FAM135B: variants seen among roughly 807,000 people sequenced by gnomAD.
FAM135B encodes the protein family with sequence similarity 135 member B, also known as protein FAM135B.
In FAM135B, 43 loss-of-function variants were observed where a neutral mutation model predicts 127.7. The observed-to-expected ratio is 0.34, with a 90% CI of 0.26 to 0.43. FAM135B has a LOEUF of 0.43. FAM135B is among the 20% of genes least tolerant of loss of function. The probability of loss-of-function intolerance (pLI) is 1.00; values close to 1 mark genes in which losing one functional copy is unlikely to be tolerated. For missense variants in FAM135B, 1,558 were observed against 1,725.6 expected, an observed-to-expected ratio of 0.90 and a Z score of 1.72; for synonymous variants, 670 against 665.1, an observed-to-expected ratio of 1.01 and a Z score of -0.11.
chr8:138,450,555 T>C (rs1836429968), intron 1 of FAM135B: 1 of 152,228 alleles, frequency 6.6e-6, no homozygotes, highest in Non-Finnish European at 1.5e-5. Flanking sequence ...AGGTGTGTGG[T>C]GGTATCTCAT....
At chr8:138,428,902 A>G in intron 1 of FAM135B, among the ~76,000 whole-genome samples, 1 of 152,182 alleles carries the variant, frequency 6.6e-6, no homozygotes, top group Admixed American at 6.5e-5. Flanking sequence ...TTATGCCTCT[A>G]TTTCGTTCCA....
chr8:138,232,823 TAAC>T (rs1820003021), intron 7 of FAM135B, among the ~76,000 whole-genome samples: 1 of 152,188 alleles, frequency 6.6e-6, no homozygotes. Flanking sequence ...TCTATCCTCT[TAAC>T]AAAATTGTAA....
chr8:138,138,262 C>T (rs1324420411), intron 18 of FAM135B, among the ~76,000 whole-genome samples: 1 of 152,226 alleles, frequency 6.6e-6, no homozygotes, highest in Non-Finnish European at 1.5e-5. Context: ...AGGAAAGGAA[C>T]TCAGCCAGGC....
chr8:138,256,064 T>C (rs1822068241), intron 5 of FAM135B, among the ~76,000 whole-genome samples: 1 of 152,198 alleles, frequency 6.6e-6, no homozygotes, highest in Non-Finnish European at 1.5e-5. Flanking sequence ...GTTCTGGTAT[T>C]ATACTTCACT....
At chr8:138,416,835 G>A (rs1000606021) in intron 1 of FAM135B, among the ~76,000 whole-genome samples, 4 of 152,054 alleles carry the variant, frequency 2.6e-5, no homozygotes, top group African/African-American at 9.7e-5. Flanking sequence ...AGGCTAAAAG[G>A]GGAGGAAGGT....
intron 3 of FAM135B, among the ~76,000 whole-genome samples, chr8:138,302,796 G>A (rs554517229): frequency 9.2e-5 from 14 of 152,264 alleles, no homozygotes; most frequent in South Asian, 4.1e-4. Flanking sequence ...TGAAAGTAGC[G>A]CCAGCCACCA....
At chr8:138,239,746 A>G (rs1386124424) in intron 7 of FAM135B, among the ~76,000 whole-genome samples, 1 of 152,196 alleles carries the variant, frequency 6.6e-6, no homozygotes, top group African/African-American at 2.4e-5. Flanking sequence ...CTTGGAACCA[A>G]CCCAAATGTC....
At chr8:138,319,389 G>C (rs1445261335) in intron 2 of FAM135B, among the ~76,000 whole-genome samples, 3 of 152,194 alleles carry the variant, frequency 2.0e-5, no homozygotes, top group Non-Finnish European at 4.4e-5. Flanking sequence ...TTACAGGCGA[G>C]AGCCACTGGC....
chr8:138,259,329 A>G (rs1446013155), intron 4 of FAM135B, among the ~76,000 whole-genome samples: 1 of 152,202 alleles, frequency 6.6e-6, no homozygotes, highest in Non-Finnish European at 1.5e-5. Context: ...TCTGAAACCC[A>G]GATACACGTG....
intron 9 of FAM135B, among the ~76,000 whole-genome samples, chr8:138,180,609 T>A (rs918589763): frequency 6.6e-6 from 1 of 152,138 alleles, no homozygotes; most frequent in Admixed American, 6.5e-5. Context: ...TAGAGACCAA[T>A]TGGGTAAAGT....
intron 2 of FAM135B, among the ~76,000 whole-genome samples, chr8:138,364,935 C>T (rs1713062966): frequency 6.6e-6 from 1 of 152,060 alleles, no homozygotes; most frequent in Non-Finnish European, 1.5e-5. Flanking sequence ...ACAACCTCCA[C>T]CTCCTGGTTC....
chr8:138,344,766 G>A (rs1332472390), intron 2 of FAM135B, among the ~76,000 whole-genome samples: 17 of 151,818 alleles, frequency 1.1e-4, no homozygotes, highest in African/African-American at 3.9e-4. Flanking sequence ...TAGTAGAGAC[G>A]GGGTTTCACC....
intron 1 of FAM135B, among the ~76,000 whole-genome samples, chr8:138,443,084 CT>C (rs1835901206): frequency 6.6e-6 from 1 of 152,080 alleles, no homozygotes; most frequent in Admixed American, 6.6e-5. Flanking sequence ...CCAGTAGGTC[CT>C]ATCTCAAGGC....
At chr8:138,213,794 G>A (rs1365292129) in intron 7 of FAM135B, among the ~76,000 whole-genome samples, 2 of 152,164 alleles carry the variant, frequency 1.3e-5, no homozygotes, top group Non-Finnish European at 2.9e-5. Flanking sequence ...AGCAAGCTCC[G>A]CTAGGCTGGA....
chr8:138,233,687 T>C (rs530021163), intron 7 of FAM135B, among the ~76,000 whole-genome samples: 2 of 152,196 alleles, frequency 1.3e-5, no homozygotes, highest in South Asian at 2.1e-4. Context: ...AACTAAAAAG[T>C]ATCTGCACTG....
intron 1 of FAM135B, among the ~76,000 whole-genome samples, chr8:138,468,505 C>T (rs911509244): frequency 4.6e-5 from 7 of 152,136 alleles, no homozygotes; most frequent in African/African-American, 1.7e-4. Flanking sequence ...TGCCACCCAT[C>T]ACTCTTCCTT....
At chr8:138,237,156 T>C (rs1410242121) in intron 7 of FAM135B, among the ~76,000 whole-genome samples, 1 of 146,232 alleles carries the variant, frequency 6.8e-6, no homozygotes. Flanking sequence ...CTTGATTTTT[T>C]TTTTTTTTTT....
At chr8:138,190,293 A>G (rs6984968) in intron 9 of FAM135B, among the ~76,000 whole-genome samples, 1 of 152,096 alleles carries the variant, frequency 6.6e-6, no homozygotes, top group African/African-American at 2.4e-5. Context: ...GGTCAGGGGC[A>G]TTCAGATGCA....
At chr8:138,293,807 T>C (rs781629086) in intron 3 of FAM135B, among the ~76,000 whole-genome samples, 17 of 152,114 alleles carry the variant, frequency 1.1e-4, no homozygotes, top group Admixed American at 6.6e-5. Context: ...GGAATGTAAA[T>C]TAGTACAAAC....
Sources: gnomAD v4.1 joint callset for allele counts (sites outside exome capture counted in the v4.1 genomes callset) on GRCh38, gnomAD v4.1.1 for gene constraint, MANE v1.5 for transcripts, NCBI Gene and HGNC (gene_info 2026-07-23, HGNC 2026-07-21) for gene names.